The following GPR39 variants were observed in gnomAD, a reference collection of about 807,000 sequenced individuals.
GPR39 encodes G protein-coupled receptor 39, also known as zinc sensing receptor.
A neutral mutation model predicts 18.4 loss-of-function variants in GPR39; 23 were observed. The ratio of observed to expected loss-of-function variants is 1.25; its 90% confidence interval spans 0.90 to 1.77. The LOEUF (loss-of-function observed/expected upper bound fraction) is 1.77. GPR39 is among the 40% of genes most tolerant of loss of function. GPR39 has a pLI of 0.00. For missense variants in GPR39, 647 were observed against 602.4 expected (o/e 1.07, Z -0.78); for synonymous variants, 280 against 257.9 (o/e 1.09, Z -0.82).
chr2:132,615,798 A>C (rs1300819713), intron 1 of GPR39, among the ~76,000 whole-genome samples: 1 of 152,170 alleles, frequency 6.6e-6, no homozygotes, highest in Non-Finnish European at 1.5e-5. Flanking sequence ...AGGGTTAGGC[A>C]AGCTAGGTAC....
Position 132,646,334 on chromosome 2 carries a change from T to C in GPR39, c.*728T>C. On this transcript the variant is annotated 3_prime_UTR_variant, in exon 2 of 2. Transcript: ENST00000329321. ...TAACGTGCACCGGCAAAAGAATAGC[T>C]GTCCCTCTCAGCCCAAATCCAAACG... The C allele has an allele frequency of 3.2e-6, 4 of 1,267,816 alleles. No individual in the cohort carries two copies. The highest frequency in any genetic ancestry group is 4.2e-6 in the Non-Finnish European group (4 of 955,594). 78.5% of individuals were successfully genotyped at this position (1,267,816 alleles called of 1,614,324 possible). A position where few individuals can be genotyped will look rare whatever the true frequency, so the allele number is the denominator to read the frequency against.
intron 1 of GPR39, among the ~76,000 whole-genome samples, chr2:132,443,494 T>C (rs981767477): frequency 2.6e-5 from 4 of 152,344 alleles, no homozygotes; most frequent in Middle Eastern, 3.4e-3. Context: ...GAAAATAGGC[T>C]TTGTGTTAGA....
intron 1 of GPR39, among the ~76,000 whole-genome samples, chr2:132,526,639 C>T (rs931688545): frequency 2.0e-5 from 3 of 152,226 alleles, no homozygotes; most frequent in Non-Finnish European, 4.4e-5. Flanking sequence ...TAATACCCCA[C>T]ACTGCCCATC....
Position 132,645,769 on chromosome 2 carries a change from T to TGCCAGCCTGGCCTTGACTCC in GPR39, c.*165_*184dup. Reference sequence around the variant, plus strand: ...CTCAGTGACTTCTAAGGACTGACTCTGCCAGCCTGGCCTTGACTCCGGTTA... The same window carrying TGCCAGCCTGGCCTTGACTCC: ...CTCAGTGACTTCTAAGGACTGACTCTGCCAGCCTGGCCTTGACTCCGCCAGCCTGGCCTTGACTCCGGTTA... On this transcript the variant is annotated 3_prime_UTR_variant, in exon 2 of 2. Coordinates refer to ENST00000329321, the MANE Select transcript of GPR39 (RefSeq NM_001508.3). 1 of 1,026,988 alleles carries TGCCAGCCTGGCCTTGACTCC rather than the reference T, an allele frequency of 9.7e-7. No individual in the cohort carries two copies. The highest frequency in any genetic ancestry group is 1.7e-5 in the South Asian group (1 of 58,070). 63.6% of individuals were successfully genotyped at this position (1,026,988 alleles called of 1,614,324 possible). A position where few individuals can be genotyped will look rare whatever the true frequency, so the allele number is the denominator to read the frequency against.
At chr2:132,622,111 T>C (rs1207511018) in intron 1 of GPR39, among the ~76,000 whole-genome samples, 1 of 152,142 alleles carries the variant, frequency 6.6e-6, no homozygotes, top group Non-Finnish European at 1.5e-5. Flanking sequence ...CTGCCAGAAT[T>C]GGCAGGGTGC....
chr2:132,611,594 A>G (rs1396098366), intron 1 of GPR39, among the ~76,000 whole-genome samples: 1 of 151,730 alleles, frequency 6.6e-6, no homozygotes, highest in Non-Finnish European at 1.5e-5. Context: ...AAACTGCTCC[A>G]AAGGATGCTT....
At chr2:132,465,033 T>A (rs765985063) in intron 1 of GPR39, among the ~76,000 whole-genome samples, 65 of 152,240 alleles carry the variant, frequency 4.3e-4, no homozygotes, top group Non-Finnish European at 7.3e-4. Context: ...AATGATGATT[T>A]GACTTGCTTA....
intron 1 of GPR39, among the ~76,000 whole-genome samples, chr2:132,486,584 T>G (rs1460306587): frequency 6.6e-6 from 1 of 152,224 alleles, no homozygotes; most frequent in Admixed American, 6.5e-5. Context: ...CACATTTATG[T>G]TATCCAGATG....
chr2:132,430,152 C>T (rs933438104), intron 1 of GPR39, among the ~76,000 whole-genome samples: 4 of 152,154 alleles, frequency 2.6e-5, no homozygotes, highest in Non-Finnish European at 4.4e-5. Context: ...GTTCTGATGA[C>T]GGTTTGTGGT....
intron 1 of GPR39, among the ~76,000 whole-genome samples, chr2:132,493,517 TATATATATATAC>T (rs1681564786): frequency 1.4e-5 from 2 of 143,036 alleles, no homozygotes; most frequent in African/African-American, 5.5e-5. Context: ...TATATATATA[TATATATATATAC>T]ACACACCATA....
At chr2:132,491,633 A>G (rs1320238378) in intron 1 of GPR39, among the ~76,000 whole-genome samples, 1 of 151,878 alleles carries the variant, frequency 6.6e-6, no homozygotes, top group Non-Finnish European at 1.5e-5. Flanking sequence ...TGGCAAGATC[A>G]GATTTGAGTT....
At chr2:132,562,139 T>C (rs1186142782) in intron 1 of GPR39, among the ~76,000 whole-genome samples, 1 of 151,870 alleles carries the variant, frequency 6.6e-6, no homozygotes, top group Non-Finnish European at 1.5e-5. Context: ...TTTCTGAGGG[T>C]GAGGCCCAGG....
At chr2:132,514,168 A>T (rs892993665) in intron 1 of GPR39, among the ~76,000 whole-genome samples, 1 of 152,146 alleles carries the variant, frequency 6.6e-6, no homozygotes, top group East Asian at 1.9e-4. Flanking sequence ...GCACTGGTCC[A>T]TCTGGCCTTA....
intron 1 of GPR39, among the ~76,000 whole-genome samples, chr2:132,511,445 C>A (rs1476583171): frequency 6.6e-6 from 1 of 152,134 alleles, no homozygotes; most frequent in Non-Finnish European, 1.5e-5. Flanking sequence ...ATATGTTAAG[C>A]TTGAAATCAG....
At chr2:132,444,402 C>T (rs551601851) in intron 1 of GPR39, among the ~76,000 whole-genome samples, 1 of 152,166 alleles carries the variant, frequency 6.6e-6, no homozygotes, top group Admixed American at 6.5e-5. Context: ...GCCGTCTTCC[C>T]ACCTCAGTCT....
intron 1 of GPR39, among the ~76,000 whole-genome samples, chr2:132,437,369 A>T (rs1417745218): frequency 6.6e-6 from 1 of 152,202 alleles, no homozygotes; most frequent in Non-Finnish European, 1.5e-5. Flanking sequence ...CCTTAGCACT[A>T]CACCATACTC....
chr2:132,508,431 C>T (rs774512350), intron 1 of GPR39, among the ~76,000 whole-genome samples: 2 of 152,132 alleles, frequency 1.3e-5, no homozygotes, highest in Non-Finnish European at 2.9e-5. Flanking sequence ...CGTGCCTGAG[C>T]TCTAGCTGGG....
chr2:132,598,365 A>T (rs949264132), intron 1 of GPR39, among the ~76,000 whole-genome samples: 31 of 131,140 alleles, frequency 2.4e-4, no homozygotes, highest in Non-Finnish European at 3.5e-4. Context: ...TCACCAAGGG[A>T]TTTTTTTTTT....
chr2:132,431,856 A>G (rs1267486965), intron 1 of GPR39, among the ~76,000 whole-genome samples: 1 of 152,240 alleles, frequency 6.6e-6, no homozygotes, highest in Non-Finnish European at 1.5e-5. Flanking sequence ...TTGACGGCTT[A>G]AAACAGTAGA....
Sources: gnomAD v4.1 joint callset for allele counts (sites outside exome capture counted in the v4.1 genomes callset) on GRCh38, gnomAD v4.1.1 for gene constraint, MANE v1.5 for transcripts, NCBI Gene and HGNC (gene_info 2026-07-23, HGNC 2026-07-21) for gene names.